MACROD2: variants seen among roughly 807,000 people sequenced by gnomAD.
The protein encoded by MACROD2 is ADP-ribose glycohydrolase MACROD2.
A neutral mutation model predicts 70.4 loss-of-function variants in MACROD2; 36 were observed. The observed-to-expected ratio is 0.51, with a 90% CI of 0.39 to 0.68. The LOEUF is 0.68. MACROD2 is among the 30% of genes least tolerant of loss of function. The probability of loss-of-function intolerance (pLI) is 0.00; values close to 1 mark genes in which losing one functional copy is unlikely to be tolerated. For missense variants in MACROD2, 496 were observed against 538.4 expected, an observed-to-expected ratio of 0.92 and a Z score of 0.78; for synonymous variants, 172 against 178.8, an observed-to-expected ratio of 0.96 and a Z score of 0.30.
chr20:15,531,313 A>G (rs1350007556), intron 8 of MACROD2, among the ~76,000 whole-genome samples: 2 of 146,904 alleles, frequency 1.4e-5, no homozygotes, highest in East Asian at 2.2e-4. Flanking sequence ...ATTTAATAAC[A>G]TAAACAAAAA....
chr20:14,270,161 A>T (rs1555775465), intron 3 of MACROD2, among the ~76,000 whole-genome samples: 4 of 152,154 alleles, frequency 2.6e-5, no homozygotes, highest in Non-Finnish European at 5.9e-5. Context: ...GTGTGTATAT[A>T]TATTAATTTC....
At chr20:14,250,856 A>G (rs917133902) in intron 3 of MACROD2, among the ~76,000 whole-genome samples, 6 of 152,144 alleles carry the variant, frequency 3.9e-5, no homozygotes, top group Non-Finnish European at 7.4e-5. Context: ...GTATGACTCT[A>G]TGAAGTGATC....
At chr20:16,007,966 G>A (rs533048234) in intron 15 of MACROD2, among the ~76,000 whole-genome samples, 1 of 152,314 alleles carries the variant, frequency 6.6e-6, no homozygotes, top group East Asian at 1.9e-4. Flanking sequence ...CTGCTGTGAT[G>A]CAGAAAGCCT....
rs73265032 is a variant in MACROD2 at position 15,316,923 on chromosome 20, G to A, written c.540+86862G>A. Among the ~76,000 whole-genome samples, 841 of 152,034 alleles carry A rather than the reference G, an allele frequency of 5.5e-3. 8 individuals carry two copies. Among genetic ancestry groups the A allele is most frequent in the African/African-American group, 0.019 (792 of 41,516 alleles). On this transcript the variant is annotated intron_variant, in intron 6 of 17. Coordinates refer to ENST00000684519, the MANE Select transcript of MACROD2 (RefSeq NM_001351661.2). ...AATACTGGAAAGTCCACAAATATGT[G>A]AAAAATAAAATTAAATAACACACTC...
intron 5 of MACROD2, among the ~76,000 whole-genome samples, chr20:14,939,627 A>G (rs552478287): frequency 5.3e-5 from 8 of 152,230 alleles, no homozygotes; most frequent in Admixed American, 3.9e-4. Flanking sequence ...ATCTGTGAAA[A>G]TGCCATGGTA....
chr20:15,108,235 T>C lies in MACROD2; in HGVS notation c.419-121705T>C, dbSNP rs1458653359. 5.9e-5 allele frequency among the ~76,000 whole-genome samples: 9 copies of C among 152,166 alleles called. No homozygotes were observed. The South Asian group carries it at 6.2e-4, about 10-fold the overall frequency. On this transcript the variant is annotated intron_variant, in intron 5 of 17. Coordinates refer to ENST00000684519, the MANE Select transcript of MACROD2 (RefSeq NM_001351661.2). ...TCTTAGAGTTTAGGTAAAGATTGTA[T>C]GTAGTACAGCCTGGCTCATACTAAG...
chr20:14,221,895 T>C (rs965956926), intron 3 of MACROD2, among the ~76,000 whole-genome samples: 7 of 152,186 alleles, frequency 4.6e-5, no homozygotes, highest in Admixed American at 1.3e-4. Context: ...TCACTAATCA[T>C]AAGAGAAATG....
intron 8 of MACROD2, among the ~76,000 whole-genome samples, chr20:15,696,137 G>A (rs910361553): frequency 2.6e-5 from 4 of 152,136 alleles, no homozygotes; most frequent in Non-Finnish European, 5.9e-5. Flanking sequence ...CAGAGGGAAT[G>A]CTTTCAACTT....
chr20:14,121,422 G>A (rs2054587734), intron 3 of MACROD2, among the ~76,000 whole-genome samples: 2 of 152,110 alleles, frequency 1.3e-5, no homozygotes, highest in Admixed American at 1.3e-4. Context: ...TTTGTTACTG[G>A]TACTTAATAA....
At chr20:15,503,998 T>A (rs1053037698) in intron 8 of MACROD2, among the ~76,000 whole-genome samples, 1 of 152,258 alleles carries the variant, frequency 6.6e-6, no homozygotes, top group African/African-American at 2.4e-5. Flanking sequence ...GGCTGTCATA[T>A]AATTGATGAG....
intron 2 of MACROD2, among the ~76,000 whole-genome samples, chr20:14,009,051 AGGCATG>A (rs752687762): frequency 3.3e-5 from 5 of 152,218 alleles, no homozygotes; most frequent in Non-Finnish European, 7.3e-5. Flanking sequence ...TTCAGGATCT[AGGCATG>A]GGCAAAGATT....
chr20:15,562,483 C>T (rs2048257786), intron 8 of MACROD2, among the ~76,000 whole-genome samples: 1 of 152,074 alleles, frequency 6.6e-6, no homozygotes, highest in Non-Finnish European at 1.5e-5. Flanking sequence ...CCAAAATATC[C>T]CATTCTGTGA....
At chr20:15,576,517 C>T (rs1360800982) in intron 8 of MACROD2, among the ~76,000 whole-genome samples, 1 of 151,328 alleles carries the variant, frequency 6.6e-6, no homozygotes, top group Non-Finnish European at 1.5e-5. Context: ...TGCAGTGTTC[C>T]ACCAGACTGA....
chr20:14,890,789 A>AG (rs1031236174), intron 5 of MACROD2, among the ~76,000 whole-genome samples: 8 of 151,068 alleles, frequency 5.3e-5, no homozygotes, highest in Admixed American at 4.0e-4. Context: ...TTAAAAAAAA[A>AG]AGAAAGAAGG....
intron 3 of MACROD2, among the ~76,000 whole-genome samples, chr20:14,115,796 A>G (rs955174288): frequency 6.6e-6 from 1 of 152,210 alleles, no homozygotes; most frequent in Non-Finnish European, 1.5e-5. Flanking sequence ...AGGAAGACCA[A>G]AAAAAGCAAA....
chr20:15,754,880 A>G (rs1301529236), intron 8 of MACROD2, among the ~76,000 whole-genome samples: 1 of 151,218 alleles, frequency 6.6e-6, no homozygotes, highest in Admixed American at 6.6e-5. Context: ...TTTTTTTGCA[A>G]TGGAATCTAG....
intron 5 of MACROD2, among the ~76,000 whole-genome samples, chr20:15,176,832 C>T (rs2076465753): frequency 6.6e-6 from 1 of 152,174 alleles, no homozygotes; most frequent in South Asian, 2.1e-4. Flanking sequence ...TCAGGGAGTC[C>T]AGACCTAGGG....
At chr20:14,842,540 G>C (rs920996913) in intron 5 of MACROD2, among the ~76,000 whole-genome samples, 1 of 152,056 alleles carries the variant, frequency 6.6e-6, no homozygotes, top group African/African-American at 2.4e-5. Flanking sequence ...TAAAGTGTAT[G>C]CTATTAGGCT....
Position 15,229,921 on chromosome 20 carries a change from C to T in MACROD2, c.419-19C>T, listed in dbSNP as rs1037692401. 6 of 1,578,400 alleles carry T rather than the reference C, an allele frequency of 3.8e-6. No homozygotes were observed. The highest frequency in any genetic ancestry group is 3.8e-5 in the Admixed American group (2 of 52,362). The stretch of plus-strand genomic sequence containing the variant: ...AAATACCTCGCTTATCCTCTTTTTC[C>T]TTCCTTTTGTATTTACAGATGTCAT... On this transcript the variant is annotated intron_variant, in intron 5 of 17. Transcript: ENST00000684519.
Sources: gnomAD v4.1 joint callset for allele counts (sites outside exome capture counted in the v4.1 genomes callset) on GRCh38, gnomAD v4.1.1 for gene constraint, MANE v1.5 for transcripts, NCBI Gene and HGNC (gene_info 2026-07-23, HGNC 2026-07-21) for gene names.